MAPKAPK5: variants seen among roughly 807,000 people sequenced by gnomAD.
MAPKAPK5 encodes the protein MAP kinase-activated protein kinase 5.
MAPKAPK5 carries 30 observed loss-of-function variants against 65.1 expected under a neutral mutation model. That is an observed-to-expected ratio of 0.46 (90% CI 0.34 to 0.63). The LOEUF is 0.63. Ranked by LOEUF, MAPKAPK5 falls within the 20% of genes least tolerant of loss-of-function variation. MAPKAPK5 has a pLI of 0.01. For missense variants in MAPKAPK5, 433 were observed against 581.4 expected, an observed-to-expected ratio of 0.74 and a Z score of 2.63; for synonymous variants, 179 against 204.6, an observed-to-expected ratio of 0.87 and a Z score of 1.07.
chr12:111,880,159 A>G (rs1255826557), intron 7 of MAPKAPK5: 1 of 435,222 alleles, frequency 2.3e-6, no homozygotes, highest in Non-Finnish European at 4.3e-6. Context: ...GGCTATCCCC[A>G]GGAAAAAGTC....
At chr12:111,862,127 G>A (rs1373719227) in intron 1 of MAPKAPK5, among the ~76,000 whole-genome samples, 2 of 149,138 alleles carry the variant, frequency 1.3e-5, no homozygotes, top group South Asian at 2.1e-4. Context: ...TGTGCCAGCC[G>A]TGGGCAATCT....
At chr12:111,846,810 A>G (rs2068920032) in intron 1 of MAPKAPK5, among the ~76,000 whole-genome samples, 1 of 152,082 alleles carries the variant, frequency 6.6e-6, no homozygotes, top group Non-Finnish European at 1.5e-5. Flanking sequence ...ATAAGTTTCA[A>G]ATTAAGCACT....
rs2070922172 is a variant in MAPKAPK5, at chr12:111,898,971, G to A, written c.*5910G>A. 1 of 152,172 alleles carries A rather than the reference G, an allele frequency of 6.6e-6. No individual in the cohort carries two copies. Among genetic ancestry groups the A allele is most frequent in the Non-Finnish European group, 1.5e-5 (1 of 68,062 alleles). The allele number at this position is 152,172 out of a possible 1,614,324, so 9.4% of individuals were successfully genotyped here. On this transcript the variant is annotated 3_prime_UTR_variant, in exon 14 of 14. Coordinates refer to ENST00000550735, the MANE Select transcript of MAPKAPK5 (RefSeq NM_003668.4). Reference sequence around the variant, plus strand: ...TACAGTACTGGCTGGATCACTACAGGCCTTCTACTTGGAATATCTTCCCAT... The same window carrying A: ...TACAGTACTGGCTGGATCACTACAGACCTTCTACTTGGAATATCTTCCCAT...
At chr12:111,868,671 C>A in intron 4 of MAPKAPK5, 82 bp from the exon 5 acceptor site, 1 of 1,070,190 alleles carries the variant, frequency 9.3e-7, no homozygotes, top group Admixed American at 2.5e-5. Context: ...ATCTTTAGGT[C>A]AGCTTCTTAA....
rs563211667 is a variant in MAPKAPK5 at position 111,861,578 on chromosome 12, A to G, written c.37-3672A>G. ...CCTGACCTCATGATCTGCCTGCTTC[A>G]GCCTCCCAAAGTGCTGGGATTATGG... On this transcript the variant is annotated intron_variant, in intron 1 of 13. Transcript: ENST00000550735. 3.9e-5 allele frequency among the ~76,000 whole-genome samples: 6 copies of G among 152,182 alleles called. No individual in the cohort carries two copies. In the East Asian group the frequency reaches 1.2e-3, roughly 29 times the overall value.
chr12:111,880,370 A>C, intron 7 of MAPKAPK5, 77 bp from the exon 8 acceptor site: 1 of 1,172,812 alleles, frequency 8.5e-7, no homozygotes, highest in Non-Finnish European at 1.3e-6. Context: ...CTTCAGTCTC[A>C]TAGTAGCCTG....
In MAPKAPK5 at chr12:111,883,487, A is replaced by G; in HGVS notation, c.661-94A>G. The G allele has an allele frequency of 9.7e-7, 1 of 1,033,056 alleles. No individual in the cohort carries two copies. 64.0% of individuals were successfully genotyped at this position (1,033,056 alleles called of 1,614,324 possible). A position where few individuals can be genotyped will look rare whatever the true frequency, so the allele number is the denominator to read the frequency against. On this transcript the variant is annotated intron_variant, in intron 8 of 13. Transcript: ENST00000550735. The surrounding 1 kb of genome is among the most constrained non-coding windows in gnomAD (Gnocchi z 4.8). The stretch of plus-strand genomic sequence containing the variant: ...AAGTGACTCTAGTTTATATCAGCCT[A>G]TATATTGCAGGGGCTATTCCTGAGC...
intron 8 of MAPKAPK5, among the ~76,000 whole-genome samples, chr12:111,881,613 C>T (rs1054767652): frequency 1.3e-5 from 2 of 151,680 alleles, no homozygotes; most frequent in Non-Finnish European, 2.9e-5. Flanking sequence ...ACCATGTTGG[C>T]CAGGTTGGTC....
intron 9 of MAPKAPK5, chr12:111,885,649 T>C (rs2070375111): frequency 1.0e-5 from 4 of 397,324 alleles, no homozygotes; most frequent in Non-Finnish European, 1.4e-5. Flanking sequence ...GATTACCTTA[T>C]TAAACCCTAG....
At chr12:111,866,674 A>T (rs2069624220) in intron 3 of MAPKAPK5, among the ~76,000 whole-genome samples, 1 of 152,002 alleles carries the variant, frequency 6.6e-6, no homozygotes, top group Non-Finnish European at 1.5e-5. Flanking sequence ...CGATGGCGCA[A>T]TCTCGGCTTA....
At position 111,883,325 on chromosome 12, in the gene MAPKAPK5, A is replaced by G. The variant is rs2136142092; in HGVS notation, c.661-256A>G. 6.6e-6 allele frequency among the ~76,000 whole-genome samples: 1 copy of G among 152,284 alleles called. No individual in the cohort carries two copies. Among genetic ancestry groups the G allele is most frequent in the Admixed American group, 6.5e-5 (1 of 15,298 alleles). On this transcript the variant is annotated intron_variant, in intron 8 of 13. Coordinates refer to ENST00000550735, the MANE Select transcript of MAPKAPK5 (RefSeq NM_003668.4). The surrounding 1 kb of genome is among the most constrained non-coding windows in gnomAD (Gnocchi z 4.8). ...AACCTGGGAGGCGGAGGTTGCAGTG[A>G]GCTGAGATTACGCCACTGCACTCCA... is the stretch of plus-strand genomic sequence containing the variant.
intron 1 of MAPKAPK5, among the ~76,000 whole-genome samples, chr12:111,858,843 T>C (rs1340136437): frequency 6.8e-6 from 1 of 148,114 alleles, no homozygotes; most frequent in African/African-American, 2.5e-5. Context: ...GCTCAGCCTG[T>C]TGAGCACCTC....
chr12:111,901,332 C>CG lies in MAPKAPK5; in HGVS notation c.*8271_*8272insG, dbSNP rs924876415. 6.6e-6 allele frequency: 3 copies of CG among 456,028 alleles called. No individual in the cohort carries two copies. 28.2% of individuals were successfully genotyped at this position (456,028 alleles called of 1,614,324 possible). A position where few individuals can be genotyped will look rare whatever the true frequency, so the allele number is the denominator to read the frequency against. On this transcript the variant is annotated 3_prime_UTR_variant, in exon 14 of 14. Transcript: ENST00000550735. ...CCACTGTAATGAAGGGCATGCCCCC[C>CG]CTGACTGTGTTACTGCAGGAAGTGG...
At chr12:111,853,216 CA>C (rs1566227804) in intron 1 of MAPKAPK5, among the ~76,000 whole-genome samples, 1 of 151,228 alleles carries the variant, frequency 6.6e-6, no homozygotes, top group Non-Finnish European at 1.5e-5. Context: ...AAAAAAAATA[CA>C]AAAAACTAGC....
intron 5 of MAPKAPK5, among the ~76,000 whole-genome samples, chr12:111,869,628 C>G (rs997472960): frequency 1.3e-5 from 2 of 152,172 alleles, no homozygotes; most frequent in Admixed American, 1.3e-4. Flanking sequence ...GAGAAAATGC[C>G]ATATGGAGAG....
Position 111,888,603 on chromosome 12 carries a change from A to C in MAPKAPK5, c.1085A>C (p.Lys362Thr). 1 of 1,613,896 alleles carries C rather than the reference A, an allele frequency of 6.2e-7. No homozygotes were observed. The highest frequency in any genetic ancestry group is 8.5e-7 in the Non-Finnish European group (1 of 1,179,842). ...TCAGTGAACAACCCCATTCTGCGGAAGAGGAAGTTACTTGGGTAACTGAGC... is the reference window on the plus strand; with the variant it reads ...TCAGTGAACAACCCCATTCTGCGGACGAGGAAGTTACTTGGGTAACTGAGC... ...LHSVNNPILR[K>T]RKLLGTKPKD... The change falls in exon 11 of 14, where the codon AAG becomes ACG. Residue 362 changes from lysine (K) to threonine (T), a missense_variant. Physicochemically the swap from Lys to Thr is moderately conservative, Grantham distance 78 (BLOSUM62 -1). Coordinates refer to ENST00000550735, the MANE Select transcript of MAPKAPK5 (RefSeq NM_003668.4).
chr12:111,847,787 T>G (rs2158030), intron 1 of MAPKAPK5, among the ~76,000 whole-genome samples: 1 of 152,212 alleles, frequency 6.6e-6, no homozygotes, highest in East Asian at 1.9e-4. Context: ...CAGTCAGCCC[T>G]GTTCCCATTC....
chr12:111,878,439 T>G (rs886117440), intron 7 of MAPKAPK5, among the ~76,000 whole-genome samples: 1 of 147,270 alleles, frequency 6.8e-6, no homozygotes. Flanking sequence ...TTATTTATTT[T>G]GAGACGGAGT....
intron 1 of MAPKAPK5, among the ~76,000 whole-genome samples, chr12:111,859,007 A>C (rs554262869): frequency 6.8e-6 from 1 of 147,458 alleles, no homozygotes; most frequent in South Asian, 2.2e-4. Flanking sequence ...CGTTTAAAAT[A>C]GTTGCTTTTA....
Sources: allele counts gnomAD v4.1 joint callset (sites outside exome capture counted in the v4.1 genomes callset), GRCh38; gene constraint gnomAD v4.1.1; non-coding constraint Gnocchi (gnomAD v3.1); transcripts MANE v1.5; gene names NCBI Gene and HGNC (gene_info 2026-07-23, HGNC 2026-07-21).